The following NRDC variants were observed in gnomAD, a reference collection of about 807,000 sequenced individuals.
The protein encoded by NRDC is nardilysin.
Under a neutral mutation model 147.1 loss-of-function variants are expected in NRDC, and 54 were observed. That is an observed-to-expected ratio of 0.37 (90% CI 0.29 to 0.46). The LOEUF is 0.46. Among genes scored for constraint, NRDC ranks in the 20% least tolerant of loss-of-function variants. The probability of loss-of-function intolerance (pLI) is 1.00; values close to 1 mark genes in which losing one functional copy is unlikely to be tolerated. For synonymous variants in NRDC, 440 were observed against 482.1 expected (o/e 0.91, Z 1.14); for missense variants, 1,082 against 1,370.6 (o/e 0.79, Z 3.33).
At chr1:51,806,321 T>C (rs1679461191) in intron 18 of NRDC, among the ~76,000 whole-genome samples, 1 of 152,240 alleles carries the variant, frequency 6.6e-6, no homozygotes, top group Non-Finnish European at 1.5e-5. Context: ...TCTTATCTCT[T>C]TTTAAAAACA....
At chr1:51,789,737 G>A in intron 29 of NRDC, 80 bp from the exon 30 acceptor site, 1 of 986,244 alleles carries the variant, frequency 1.0e-6, no homozygotes, top group Non-Finnish European at 1.6e-6. Flanking sequence ...AGATGTCCCT[G>A]GACCTGCTTA....
chr1:51,791,981 T>C (rs1678678624), intron 26 of NRDC, 65 bp downstream of exon 26: 3 of 1,538,196 alleles, frequency 2.0e-6, no homozygotes, highest in African/African-American at 1.4e-5. Context: ...GGATATCTGA[T>C]GAACAGCCTG....
At chr1:51,830,022 T>C (rs1680636130) in intron 4 of NRDC, among the ~76,000 whole-genome samples, 1 of 148,856 alleles carries the variant, frequency 6.7e-6, no homozygotes, top group Non-Finnish European at 1.5e-5. Flanking sequence ...TAGAGTGCAG[T>C]GGCACTATCT....
chr1:51,843,398 TG>T (rs1253053663), intron 1 of NRDC, among the ~76,000 whole-genome samples: 2 of 152,118 alleles, frequency 1.3e-5, no homozygotes, highest in African/African-American at 4.8e-5. Context: ...TGTATTGGTC[TG>T]GATACGACAC....
rs1679033007 is a variant in NRDC, at chr1:51,798,405, T to A, written c.2448A>T (p.Val816=). The part of the protein sequence containing the change: ...LIKPETLAKD[V]RLLILEYARW... ...GGGCATATTCCAAGATTAAAAGCCG[T>A]ACATCTCTGTACAGAGGGCAGAAAA... Residue 816 remains valine, a synonymous_variant, in exon 22 of 31, where the codon GTA becomes GTT. Transcript: ENST00000352171. The A allele has an allele frequency of 6.2e-7, 1 of 1,612,070 alleles. No homozygotes were observed. The highest frequency in any genetic ancestry group is 1.1e-5 in the South Asian group (1 of 90,936).
chr1:51,870,349 T>G (rs1571926478), intron 1 of NRDC, among the ~76,000 whole-genome samples: 2 of 152,340 alleles, frequency 1.3e-5, no homozygotes, highest in Admixed American at 1.3e-4. Context: ...TATAACTGAC[T>G]CTTAAGCCAG....
intron 1 of NRDC, among the ~76,000 whole-genome samples, chr1:51,858,471 TAAAA>T (rs79682328): frequency 3.3e-5 from 4 of 122,022 alleles, no homozygotes; most frequent in Non-Finnish European, 7.0e-5. Context: ...ACCCTGTCTT[TAAAA>T]AAAAAAAAAA....
chr1:51,863,746 TATA>T (rs1461885265), intron 1 of NRDC, among the ~76,000 whole-genome samples: 1 of 152,222 alleles, frequency 6.6e-6, no homozygotes, highest in African/African-American at 2.4e-5. Flanking sequence ...CTATTTAATC[TATA>T]ATAATGTTAA....
chr1:51,846,441 CA>C (rs1190488365), intron 1 of NRDC, among the ~76,000 whole-genome samples: 2 of 152,208 alleles, frequency 1.3e-5, no homozygotes. Flanking sequence ...AAAACATTTT[CA>C]CTCTTTTTGT....
At position 51,828,041 on chromosome 1, in the gene NRDC, A is replaced by G. The variant is rs552009323; in HGVS notation, c.867-172T>C. ...TAAACTAATATCTACATGTTACTTT[A>G]ACTTTTTCATTGTGAAATATATTTA... On this transcript the variant is annotated intron_variant, in intron 4 of 30. Transcript: ENST00000352171. Among the ~76,000 whole-genome samples the G allele has an allele frequency of 2.0e-5, 3 of 152,366 alleles. No homozygotes were observed. The South Asian group carries it at 6.2e-4, about 32-fold the overall frequency.
intron 22 of NRDC, among the ~76,000 whole-genome samples, chr1:51,797,187 C>T (rs1418275865): frequency 2.6e-5 from 4 of 151,584 alleles, no homozygotes; most frequent in African/African-American, 4.8e-5. Flanking sequence ...GGTGACAGAG[C>T]GAGACTCTGT....
At chr1:51,857,137 A>G (rs534263982) in intron 1 of NRDC, among the ~76,000 whole-genome samples, 1 of 152,348 alleles carries the variant, frequency 6.6e-6, no homozygotes, top group South Asian at 2.1e-4. Context: ...ACATATTTTA[A>G]GTTTGGCCTA....
chr1:51,800,420 T>C, intron 21 of NRDC, 136 bp downstream of exon 21: 1 of 924,514 alleles, frequency 1.1e-6, no homozygotes, highest in Non-Finnish European at 1.7e-6. Flanking sequence ...TATGCACGGG[T>C]CTCCTAAACT....
chr1:51,837,178 C>T (rs1342633962), intron 2 of NRDC, among the ~76,000 whole-genome samples: 1 of 152,090 alleles, frequency 6.6e-6, no homozygotes, highest in Non-Finnish European at 1.5e-5. Flanking sequence ...ATTAACTTTC[C>T]CAAATTTGTT....
At chr1:51,794,427 C>A (rs1215442395) in intron 24 of NRDC, 45 bp downstream of exon 24, 1 of 1,597,186 alleles carries the variant, frequency 6.3e-7, no homozygotes, top group Non-Finnish European at 8.6e-7. Context: ...GTCCCTGATC[C>A]CCAGGCACTG....
At chr1:51,821,775 TC>T (rs1212488684) in intron 7 of NRDC, among the ~76,000 whole-genome samples, 6 of 152,132 alleles carry the variant, frequency 3.9e-5, no homozygotes, top group Admixed American at 3.9e-4. Flanking sequence ...CCTTTATTTC[TC>T]CCTGGTAAAG....
chr1:51,798,642 C>T, intron 21 of NRDC: 1 of 401,954 alleles, frequency 2.5e-6, no homozygotes. Context: ...ACTTACCTGT[C>T]TCAGTTGCAG....
intron 1 of NRDC, among the ~76,000 whole-genome samples, chr1:51,842,805 C>T (rs910616794): frequency 2.6e-5 from 4 of 151,818 alleles, no homozygotes; most frequent in Admixed American, 1.3e-4. Flanking sequence ...GTGGCTTGCG[C>T]CTATAATCCC....
intron 1 of NRDC, among the ~76,000 whole-genome samples, chr1:51,857,031 T>C (rs1054829473): frequency 3.3e-5 from 5 of 152,232 alleles, no homozygotes; most frequent in African/African-American, 4.8e-5. Context: ...AAAAAGACTT[T>C]AACAAGGGCT....
Sources: gnomAD v4.1 joint callset for allele counts (sites outside exome capture counted in the v4.1 genomes callset) on GRCh38, gnomAD v4.1.1 for gene constraint, MANE v1.5 for transcripts, NCBI Gene and HGNC (gene_info 2026-07-23, HGNC 2026-07-21) for gene names.